METTL8: variants seen among roughly 807,000 people sequenced by gnomAD.
METTL8 encodes the protein methyltransferase 8, tRNA N3-cytidine, also known as tRNA N(3)-cytidine methyltransferase METTL8, mitochondrial.
Under a neutral mutation model 48.7 loss-of-function variants are expected in METTL8, and 32 were observed. The observed-to-expected ratio is 0.66, with a 90% CI of 0.50 to 0.88. The LOEUF is 0.88. METTL8 is among the 40% of genes least tolerant of loss of function. METTL8 has a pLI of 0.00. For missense variants in METTL8, 464 were observed against 474.4 expected (o/e 0.98, Z 0.20); for synonymous variants, 136 against 157.1 (o/e 0.87, Z 1.01).
chr2:171,422,541 G>T (rs2105659451), intron 1 of METTL8, among the ~76,000 whole-genome samples: 1 of 152,090 alleles, frequency 6.6e-6, no homozygotes, highest in Middle Eastern at 3.4e-3. Flanking sequence ...CCACATATTG[G>T]GAGAAGACAT....
At chr2:171,402,115 G>T (rs1330101000) in intron 1 of METTL8, among the ~76,000 whole-genome samples, 2 of 152,144 alleles carry the variant, frequency 1.3e-5, no homozygotes, top group East Asian at 3.8e-4. Context: ...CTTTCTGGTA[G>T]AGGCAATATT....
chr2:171,376,371 T>C lies in METTL8; in HGVS notation c.143+15672A>G, dbSNP rs144493015. Among the ~76,000 whole-genome samples the C allele has an allele frequency of 2.5e-3, 388 of 152,234 alleles. 5 individuals carry two copies. Among genetic ancestry groups the C allele is most frequent in the Admixed American group, 8.9e-3 (136 of 15,284 alleles). ...GTCTTCACTGTCTTCACACTTATCA[T>C]AAAGGGCATCCAAATTGGAAAAAAG... On this transcript the variant is annotated intron_variant, in intron 2 of 9. Transcript: ENST00000375258.
rs536404181 is a variant in METTL8, at chr2:171,331,709, G to A, written c.720+95C>T. On this transcript the variant is annotated intron_variant, in intron 6 of 9. Transcript: ENST00000375258. ...TGGGATTACAGGTGTGAGCCACCAC[G>A]CCCTGCCTCTAGTGATCTTAAAATC... 1.0e-4 allele frequency: 102 copies of A among 981,194 alleles called. 1 individual carries two copies. The South Asian group carries it at 1.2e-3, about 11-fold the overall frequency. The allele number at this position is 981,194 out of a possible 1,614,324, so 60.8% of individuals were successfully genotyped here. A position where few individuals can be genotyped will look rare whatever the true frequency, so the allele number is the denominator to read the frequency against.
At chr2:171,399,044 A>G (rs1689392288) in intron 1 of METTL8, among the ~76,000 whole-genome samples, 1 of 152,162 alleles carries the variant, frequency 6.6e-6, no homozygotes, top group African/African-American at 2.4e-5. Flanking sequence ...ATGTCACATC[A>G]AAGGTATATA....
Position 171,337,516 on chromosome 2 carries a change from A to C in METTL8, c.607-14T>G, listed in dbSNP as rs1317946116. The C allele has an allele frequency of 6.3e-7, 1 of 1,598,404 alleles. No homozygotes were observed. Among genetic ancestry groups the C allele is most frequent in the Non-Finnish European group, 8.5e-7 (1 of 1,172,142 alleles). ...TCCACAACCAACCTAAAATCAAAAG[A>C]ACAAGCAAATATCAAAAAAAGCAAG... On this transcript the variant is annotated splice_polypyrimidine_tract_variant and intron_variant, in intron 4 of 9. Coordinates refer to ENST00000375258, the MANE Select transcript of METTL8 (RefSeq NM_001321154.2).
chr2:171,320,921 CA>C lies in METTL8; in HGVS notation c.*3250del, dbSNP rs1273681417. On this transcript the variant is annotated 3_prime_UTR_variant, in exon 10 of 10. Coordinates refer to ENST00000375258, the MANE Select transcript of METTL8 (RefSeq NM_001321154.2). ...ATCTCAAACTGATCTCAGATGGCTCCAGTTCAGAGACTAGAAGTCATACACC... is the reference window on the plus strand; with the variant it reads ...ATCTCAAACTGATCTCAGATGGCTCCGTTCAGAGACTAGAAGTCATACACC... 6.6e-6 allele frequency: 1 copy of C among 152,192 alleles called. No individual in the cohort carries two copies. Among genetic ancestry groups the C allele is most frequent in the African/African-American group, 2.4e-5 (1 of 41,436 alleles). 9.4% of individuals were successfully genotyped at this position (152,192 alleles called of 1,614,324 possible).
chr2:171,385,171 G>C (rs1314395476), intron 2 of METTL8, among the ~76,000 whole-genome samples: 1 of 151,908 alleles, frequency 6.6e-6, no homozygotes, highest in African/African-American at 2.4e-5. Context: ...CCAGCATTTT[G>C]GGAGGCCAAC....
Position 171,323,255 on chromosome 2 carries a change from A to T in METTL8, c.*917T>A, listed in dbSNP as rs757677746. 7.6e-5 allele frequency: 7 copies of T among 92,512 alleles called. No individual in the cohort carries two copies. Among genetic ancestry groups the T allele is most frequent in the Non-Finnish European group, 1.4e-4 (7 of 50,018 alleles). The allele number at this position is 92,512 out of a possible 1,614,324, so 5.7% of individuals were successfully genotyped here. ...TTTTTTTTTTTTTTTTTTTTTGGAG[A>T]CAAGGTCTCACCATGTCACCCAGTT... On this transcript the variant is annotated 3_prime_UTR_variant, in exon 10 of 10. Transcript: ENST00000375258.
intron 2 of METTL8, among the ~76,000 whole-genome samples, chr2:171,377,951 G>T (rs895262433): frequency 6.6e-6 from 1 of 152,094 alleles, no homozygotes; most frequent in Non-Finnish European, 1.5e-5. Flanking sequence ...ACATGCACAT[G>T]CATGTTTATA....
At position 171,331,919 on chromosome 2, in the gene METTL8, G is replaced by T. The variant is rs117159994; in HGVS notation, c.657-52C>A. 1.6e-3 allele frequency: 2,171 copies of T among 1,357,898 alleles called. 33 individuals carry two copies. The East Asian group carries it at 0.03, about 19-fold the overall frequency. 84.1% of individuals were successfully genotyped at this position (1,357,898 alleles called of 1,614,324 possible). A position where few individuals can be genotyped will look rare whatever the true frequency, so the allele number is the denominator to read the frequency against. On this transcript the variant is annotated intron_variant, in intron 5 of 9. Transcript: ENST00000375258. ...TATTTTTTTGGAGACAGGGTCTTGC[G>T]CTGTTGCCCAGGTTGGAGTGTAGTA...
chr2:171,376,398 A>T (rs1245220181), intron 2 of METTL8, among the ~76,000 whole-genome samples: 1 of 152,150 alleles, frequency 6.6e-6, no homozygotes, highest in East Asian at 1.9e-4. Flanking sequence ...GGAAAAAAGG[A>T]AGTCAAACTA....
At chr2:171,379,321 C>A (rs1687281477) in intron 2 of METTL8, among the ~76,000 whole-genome samples, 1 of 151,950 alleles carries the variant, frequency 6.6e-6, no homozygotes, top group East Asian at 1.9e-4. Context: ...GATTTCAAAT[C>A]AAAACCCTAG....
At chr2:171,402,791 C>T (rs966807812) in intron 1 of METTL8, among the ~76,000 whole-genome samples, 3 of 151,840 alleles carry the variant, frequency 2.0e-5, no homozygotes, top group African/African-American at 7.3e-5. Flanking sequence ...ATAACATGAG[C>T]CTAGAGCATC....
At chr2:171,425,281 A>T (rs1485832771) in intron 1 of METTL8, among the ~76,000 whole-genome samples, 1 of 152,138 alleles carries the variant, frequency 6.6e-6, no homozygotes, top group Non-Finnish European at 1.5e-5. Context: ...GTAATTAAGT[A>T]CCTAGGTATA....
intron 6 of METTL8, 97 bp from the exon 7 acceptor site, chr2:171,330,795 T>C (rs2105397247): frequency 2.0e-6 from 2 of 977,118 alleles, no homozygotes; most frequent in Non-Finnish European, 3.0e-6. Context: ...TAACCTTTTC[T>C]CCCAAAAGCC....
chr2:171,372,558 T>C (rs1248383707), intron 2 of METTL8, among the ~76,000 whole-genome samples: 1 of 152,104 alleles, frequency 6.6e-6, no homozygotes, highest in Non-Finnish European at 1.5e-5. Context: ...TATGTATACA[T>C]GCGCCATGTT....
At chr2:171,333,207 T>C (rs1471369696) in intron 5 of METTL8, among the ~76,000 whole-genome samples, 5 of 151,896 alleles carry the variant, frequency 3.3e-5, no homozygotes, top group Non-Finnish European at 5.9e-5. Context: ...CAAGCAATTC[T>C]CCTGCCTCAG....
At chr2:171,406,280 C>A (rs1409734720) in intron 1 of METTL8, among the ~76,000 whole-genome samples, 1 of 152,110 alleles carries the variant, frequency 6.6e-6, no homozygotes, top group African/African-American at 2.4e-5. Context: ...ATTTTTAATA[C>A]CTATTAGGTA....
chr2:171,416,375 G>A (rs757221480), intron 1 of METTL8, among the ~76,000 whole-genome samples: 14 of 152,182 alleles, frequency 9.2e-5, no homozygotes, highest in Non-Finnish European at 2.1e-4. Flanking sequence ...TGAAGACTTT[G>A]GGAACCATTT....
Sources: gnomAD v4.1 joint callset for allele counts (sites outside exome capture counted in the v4.1 genomes callset) on GRCh38, gnomAD v4.1.1 for gene constraint, MANE v1.5 for transcripts, NCBI Gene and HGNC (gene_info 2026-07-23, HGNC 2026-07-21) for gene names.